Variants in ZNF469 observed in about 807,000 individuals in gnomAD.
ZNF469 encodes zinc finger protein 469.
Under a neutral mutation model 1.0 loss-of-function variants are expected in ZNF469, and 1 was observed. The ratio of observed to expected loss-of-function variants is 1.00; its 90% CI spans 0.35 to 4.73. The LOEUF is 4.73. Ranked by LOEUF, ZNF469 falls within the 30% of genes most tolerant of loss-of-function variation. The probability of loss-of-function intolerance (pLI) is 0.16; values close to 1 mark genes in which losing one functional copy is unlikely to be tolerated. For synonymous variants in ZNF469, 2,703 were observed against 2,363.4 expected (o/e 1.14, Z -4.17); for missense variants, 6,100 against 5,356.3 (o/e 1.14, Z -4.33).
chr16:88,420,077 T>C (rs1475576239), intron 1 of ZNF469, among the ~76,000 whole-genome samples: 1 of 152,166 alleles, frequency 6.6e-6, no homozygotes, highest in Non-Finnish European at 1.5e-5. Context: ...ACACGCAGGT[T>C]CCATGTGTGG....
the ZNF469 span, among the ~76,000 whole-genome samples, chr16:88,341,998 C>T: frequency 2.0e-5 from 3 of 152,192 alleles, no homozygotes; most frequent in East Asian, 3.9e-4. Flanking sequence ...CAGAATGGGG[C>T]TTTGGGCATC....
rs561743358 is a variant in ZNF469 at position 88,434,920 on chromosome 16, G to A, written c.7450G>A (p.Gly2484Arg). 99 of 1,550,232 alleles carry A rather than the reference G, an allele frequency of 6.4e-5. No homozygotes were observed. In the East Asian group the frequency reaches 1.2e-3, roughly 20 times the overall value. Reference sequence around the variant, plus strand: ...GGTCTGCGCAGCCTCCTTCCGCTCCGGGCCGGGCCTGAGCCGGCACAAGGC... The same window carrying A: ...GGTCTGCGCAGCCTCCTTCCGCTCCAGGCCGGGCCTGAGCCGGCACAAGGC... ...CEVCAASFRS[G>R]PGLSRHKARK... Residue 2484 changes from glycine (G) to arginine (R), a missense_variant, in exon 3 of 3, where the codon GGG becomes AGG. By Grantham distance (125) the Gly-to-Arg change is moderately radical (BLOSUM62 -2). Coordinates refer to ENST00000565624, the MANE Select transcript of ZNF469 (RefSeq NM_001367624.2).
the ZNF469 span, among the ~76,000 whole-genome samples, chr16:88,204,952 T>C: frequency 3.3e-5 from 5 of 152,290 alleles, no homozygotes; most frequent in Admixed American, 2.0e-4. Flanking sequence ...GGACCTTCCA[T>C]AGAAACCCAA....
chr16:88,120,187 C>G, the ZNF469 span, among the ~76,000 whole-genome samples: 1 of 152,182 alleles, frequency 6.6e-6, no homozygotes, highest in African/African-American at 2.4e-5. Context: ...AGAACTGCCC[C>G]GTGGTTGCCG....
chr16:88,131,911 C>T, the ZNF469 span, among the ~76,000 whole-genome samples: 1 of 152,224 alleles, frequency 6.6e-6, no homozygotes. Context: ...CACCTGCCCG[C>T]TCTGGGTGGG....
chr16:88,323,495 C>A, the ZNF469 span, among the ~76,000 whole-genome samples: 1 of 152,236 alleles, frequency 6.6e-6, no homozygotes, highest in Non-Finnish European at 1.5e-5. Flanking sequence ...CCAGGACAGG[C>A]CCTGGCGAAA....
the ZNF469 span, among the ~76,000 whole-genome samples, chr16:88,370,170 CA>C: frequency 6.6e-6 from 1 of 152,248 alleles, no homozygotes; most frequent in Admixed American, 6.5e-5. Flanking sequence ...AAAATGAGTG[CA>C]GACGTCTCTT....
Position 88,437,431 on chromosome 16 carries a change from C to T in ZNF469, c.9961C>T (p.Pro3321Ser). Residue 3321 changes from proline to serine, a missense_variant, in exon 3 of 3, where the codon CCC (proline) becomes TCC (serine). By Grantham distance (74) the Pro-to-Ser change is moderately conservative. Coordinates refer to ENST00000565624, the MANE Select transcript of ZNF469 (RefSeq NM_001367624.2). ...PSPDPWAGGE[P>S]LLQATPVHEA... The stretch of plus-strand genomic sequence containing the variant: ...CCCCGACCCCTGGGCCGGCGGGGAG[C>T]CCCTCCTGCAAGCCACCCCGGTGCA... The T allele has an allele frequency of 1.3e-6, 2 of 1,521,350 alleles. No individual in the cohort carries two copies. Among genetic ancestry groups the T allele is most frequent in the Non-Finnish European group, 1.8e-6 (2 of 1,130,998 alleles). 94.2% of individuals were successfully genotyped at this position (1,521,350 alleles called of 1,614,324 possible).
At chr16:88,249,796 C>G in the ZNF469 span, among the ~76,000 whole-genome samples, 3 of 152,182 alleles carry the variant, frequency 2.0e-5, no homozygotes, top group Non-Finnish European at 4.4e-5. Context: ...GGTCTGGGCT[C>G]AAGTGATTCT....
the ZNF469 span, among the ~76,000 whole-genome samples, chr16:88,330,407 G>A: frequency 1.3e-5 from 2 of 152,256 alleles, no homozygotes; most frequent in African/African-American, 4.8e-5. Flanking sequence ...GAAAAGTCAT[G>A]CCCATTCAGG....
the ZNF469 span, among the ~76,000 whole-genome samples, chr16:88,156,872 C>T: frequency 2.6e-5 from 4 of 152,058 alleles, no homozygotes; most frequent in African/African-American, 9.7e-5. Context: ...CCCACGAACA[C>T]CCAACCTGGC....
At chr16:88,266,109 C>A in the ZNF469 span, among the ~76,000 whole-genome samples, 1 of 152,238 alleles carries the variant, frequency 6.6e-6, no homozygotes, top group Admixed American at 6.5e-5. Flanking sequence ...CTGTGCCCTC[C>A]GACAGACACG....
chr16:88,359,943 C>T, the ZNF469 span, among the ~76,000 whole-genome samples: 1 of 152,212 alleles, frequency 6.6e-6, no homozygotes, highest in Non-Finnish European at 1.5e-5. Context: ...GACATTAATA[C>T]ACATTGCTCA....
the ZNF469 span, among the ~76,000 whole-genome samples, chr16:88,312,063 A>G: frequency 6.6e-6 from 1 of 152,220 alleles, no homozygotes; most frequent in Non-Finnish European, 1.5e-5. Flanking sequence ...CACATCTTAC[A>G]TGGCAGCTGG....
upstream of ZNF469, among the ~76,000 whole-genome samples, chr16:88,378,754 T>G (rs1362163362): frequency 6.6e-6 from 1 of 152,164 alleles, no homozygotes; most frequent in East Asian, 1.9e-4. Context: ...CTTTGCATCC[T>G]CCAGCCTCAG....
At chr16:88,142,084 G>A in the ZNF469 span, among the ~76,000 whole-genome samples, 2 of 152,224 alleles carry the variant, frequency 1.3e-5, no homozygotes, top group Non-Finnish European at 2.9e-5. Context: ...AGTCCACAGC[G>A]GCCAGGATCT....
chr16:88,408,155 T>C (rs1427395332), intron 1 of ZNF469, among the ~76,000 whole-genome samples: 3 of 152,234 alleles, frequency 2.0e-5, no homozygotes, highest in Admixed American at 6.5e-5. Context: ...TTTTTGTTTT[T>C]TGTGTGTGTT....
At chr16:88,372,906 CCAA>C in the ZNF469 span, among the ~76,000 whole-genome samples, 3 of 151,654 alleles carry the variant, frequency 2.0e-5, no homozygotes, top group African/African-American at 7.3e-5. Context: ...ACCATCATTA[CCAA>C]CATCATCATG....
chr16:88,381,094 ACACCCG>A (rs1292461909), upstream of ZNF469, among the ~76,000 whole-genome samples: 5 of 143,116 alleles, frequency 3.5e-5, no homozygotes, highest in African/African-American at 1.1e-4. Context: ...ACGCACTCAC[ACACCCG>A]GACATGCACT....
Sources: allele counts gnomAD v4.1 joint callset (sites outside exome capture counted in the v4.1 genomes callset), GRCh38; gene constraint gnomAD v4.1.1; transcripts MANE v1.5; gene names NCBI Gene and HGNC (gene_info 2026-07-23, HGNC 2026-07-21).